The following NOS1 variants were observed in gnomAD, a reference collection of about 807,000 sequenced individuals.
NOS1 encodes nitric oxide synthase 1.
In NOS1, 51 loss-of-function variants were observed where a neutral mutation model predicts 164.5. The observed-to-expected ratio is 0.31, with a 90% CI of 0.25 to 0.39. The LOEUF (loss-of-function observed/expected upper bound fraction) is 0.39. NOS1 is among the 10% of genes least tolerant of loss of function. The pLI is 1.00. For missense variants in NOS1, 1,362 were observed against 1,885.6 expected, an observed-to-expected ratio of 0.72 and a Z score of 5.14; for synonymous variants, 719 against 745.8, an observed-to-expected ratio of 0.96 and a Z score of 0.59.
Position 117,331,163 on chromosome 12 carries a change from G to C in NOS1, c.-94C>G, listed in dbSNP as rs190212141. ...GGAGGATCCAGGCTTCAGGCTACAC[G>C]GAGAGCAGGAGCCGGGGTGACAGGT... On this transcript the variant is annotated 5_prime_UTR_variant, in exon 2 of 29. Transcript: ENST00000317775. 7 of 1,463,556 alleles carry C rather than the reference G, an allele frequency of 4.8e-6. No individual in the cohort carries two copies. Among genetic ancestry groups the C allele is most frequent in the Non-Finnish European group, 6.4e-6 (7 of 1,085,500 alleles). 90.7% of individuals were successfully genotyped at this position (1,463,556 alleles called of 1,614,324 possible). A position where few individuals can be genotyped will look rare whatever the true frequency, so the allele number is the denominator to read the frequency against.
At chr12:117,305,783 C>T (rs1162000922) in intron 3 of NOS1, among the ~76,000 whole-genome samples, 2 of 151,320 alleles carry the variant, frequency 1.3e-5, no homozygotes, top group African/African-American at 4.9e-5. Flanking sequence ...ATTTCGCAGG[C>T]CCGTGACTTT....
rs756649320 is a variant in NOS1 at position 117,227,354 on chromosome 12, C to A, written c.3616+77G>T. The A allele has an allele frequency of 3.0e-6, 4 of 1,345,506 alleles. No homozygotes were observed. In the Admixed American group the frequency reaches 5.8e-5, roughly 20 times the overall value. The allele number at this position is 1,345,506 out of a possible 1,614,324, so 83.3% of individuals were successfully genotyped here. Reference sequence around the variant, plus strand: ...AGGGATTTGGGATTTAGCCTGCAGACGGTGGTTTAGGGAACCCTCCAGAGG... The same window carrying A: ...AGGGATTTGGGATTTAGCCTGCAGAAGGTGGTTTAGGGAACCCTCCAGAGG... On this transcript the variant is annotated intron_variant, in intron 23 of 28. Transcript: ENST00000317775.
At chr12:117,347,982 C>T (rs1876432351) in intron 1 of NOS1, 1 of 151,614 alleles carries the variant, frequency 6.6e-6, no homozygotes, top group Non-Finnish European at 1.5e-5. Context: ...TTCCTTCCTC[C>T]ATTCCAAGGG....
Position 117,256,032 on chromosome 12 carries a change from G to A in NOS1, c.2532-2278C>T, listed in dbSNP as rs184517883. The A allele has an allele frequency of 2.0e-5, 29 of 1,438,160 alleles. No homozygotes were observed. Among genetic ancestry groups the A allele is most frequent in the East Asian group, 5.5e-5 (2 of 36,126 alleles). 89.1% of individuals were successfully genotyped at this position (1,438,160 alleles called of 1,614,324 possible). On this transcript the variant is annotated intron_variant, in intron 16 of 28. Coordinates refer to ENST00000317775, the MANE Select transcript of NOS1 (RefSeq NM_000620.5). ...ACGGGGAAAGAAACGCAAGGGTTCC[G>A]GGTACCTAGAGGGGAGAATCGATGG... is the stretch of plus-strand genomic sequence containing the variant.
rs557840272 is a variant in NOS1 at position 117,229,606 on chromosome 12, G to A, written c.3406-1965C>T. Among the ~76,000 whole-genome samples, 129 of 120,710 alleles carry A rather than the reference G, an allele frequency of 1.1e-3. 1 individual carries two copies. Among genetic ancestry groups the A allele is most frequent in the African/African-American group, 3.9e-3 (112 of 29,044 alleles). The allele number at this position is 120,710 out of a possible 152,430, so 79.2% of individuals were successfully genotyped here. ...TATCTATCTATCTATCTATCTATCT[G>A]GAGACAGATTCTCGCTCTGTCACCC... On this transcript the variant is annotated intron_variant, in intron 22 of 28. Coordinates refer to ENST00000317775, the MANE Select transcript of NOS1 (RefSeq NM_000620.5).
intron 7 of NOS1, among the ~76,000 whole-genome samples, chr12:117,282,314 C>T (rs1200058258): frequency 6.6e-6 from 1 of 152,162 alleles, no homozygotes; most frequent in Non-Finnish European, 1.5e-5. Flanking sequence ...GGCCCCCCAT[C>T]CCAGGCTATG....
At position 117,209,677 on chromosome 12, in the gene NOS1, A is replaced by G. The variant is rs1956498524; in HGVS notation, c.*5632T>C. 4.1e-6 allele frequency: 4 copies of G among 985,382 alleles called. No homozygotes were observed. The highest frequency in any genetic ancestry group is 9.4e-5 in the South Asian group (2 of 21,292). The allele number at this position is 985,382 out of a possible 1,614,324, so 61.0% of individuals were successfully genotyped here. On this transcript the variant is annotated 3_prime_UTR_variant, in exon 29 of 29. Transcript: ENST00000317775. ...ACCACCTCCCTCGCACATGGCTTTG[A>G]TAAGTATTAATAGGAAACAGACTCT...
rs752487139 is a variant in NOS1, at chr12:117,330,997, C to A, written c.73G>T (p.Val25Phe). ...TTCACCAGAAATCCCAGGCCCCCAA[C>A]TTTGCGCTTGAAGAGACGAACAGAA... ...VISVRLFKRK[V>F]GGLGFLVKER... The change falls in exon 2 of 29, where the codon GTT (valine) becomes TTT (phenylalanine). Residue 25 changes from valine to phenylalanine, a missense_variant. Val to Phe is a conservative substitution (Grantham distance 50, BLOSUM62 -1). Transcript: ENST00000317775. This position sits in a 1 kb window ranked among gnomAD's most constrained non-coding sequence, Gnocchi z 4.6. 6.2e-7 allele frequency: 1 copy of A among 1,614,110 alleles called. No individual in the cohort carries two copies. Among genetic ancestry groups the A allele is most frequent in the Non-Finnish European group, 8.5e-7 (1 of 1,180,044 alleles).
chr12:117,292,452 C>T (rs1330031642), intron 3 of NOS1, among the ~76,000 whole-genome samples: 3 of 152,128 alleles, frequency 2.0e-5, no homozygotes, highest in Non-Finnish European at 2.9e-5. Flanking sequence ...AGGCTGGTGA[C>T]GGTAGCTGTG....
Position 117,258,536 on chromosome 12 carries a change from TG to T in NOS1, c.2473-82del, listed in dbSNP as rs1871643142. 5.5e-6 allele frequency: 8 copies of T among 1,445,652 alleles called. No homozygotes were observed. The South Asian group carries it at 9.4e-5, about 17-fold the overall frequency. 89.6% of individuals were successfully genotyped at this position (1,445,652 alleles called of 1,614,324 possible). A position where few individuals can be genotyped will look rare whatever the true frequency, so the allele number is the denominator to read the frequency against. On this transcript the variant is annotated intron_variant, in intron 15 of 28. Transcript: ENST00000317775. ...GTCGGATACTGAGGGTCTGGGGTCCTGGCTGTCAAAGAGGAGACTGATGCCC... is the reference window on the plus strand; with the variant it reads ...GTCGGATACTGAGGGTCTGGGGTCCTGCTGTCAAAGAGGAGACTGATGCCC...
intron 8 of NOS1, among the ~76,000 whole-genome samples, chr12:117,279,465 T>C (rs1873457304): frequency 6.6e-6 from 1 of 152,198 alleles, no homozygotes; most frequent in Non-Finnish European, 1.5e-5. Flanking sequence ...GTATATTTTC[T>C]CTTATGGCAC....
intron 7 of NOS1, among the ~76,000 whole-genome samples, chr12:117,281,523 A>AAAAG (rs1873662258): frequency 6.8e-6 from 1 of 146,616 alleles, no homozygotes; most frequent in Non-Finnish European, 1.5e-5. Context: ...CCATCTCAAA[A>AAAAG]AAAAAAAAAA....
intron 1 of NOS1, among the ~76,000 whole-genome samples, chr12:117,333,712 C>T (rs533036182): frequency 4.7e-4 from 72 of 152,200 alleles, no homozygotes; most frequent in Non-Finnish European, 8.7e-4. Flanking sequence ...GCGTCGCCCG[C>T]GTGCTGTGTC....
chr12:117,223,676 CAG>C (rs1245717339), intron 25 of NOS1, among the ~76,000 whole-genome samples: 1 of 151,564 alleles, frequency 6.6e-6, no homozygotes, highest in Non-Finnish European at 1.5e-5. Context: ...GTGAAACCTG[CAG>C]AGTTTCACTC....
chr12:117,329,853 C>G (rs1293959867), intron 2 of NOS1, among the ~76,000 whole-genome samples: 3 of 152,108 alleles, frequency 2.0e-5, no homozygotes, highest in Non-Finnish European at 4.4e-5. Context: ...GAGGAGAAAG[C>G]TGATTTAAGC....
intron 2 of NOS1, among the ~76,000 whole-genome samples, chr12:117,323,916 G>A (rs909816001): frequency 1.3e-5 from 2 of 152,056 alleles, no homozygotes; most frequent in African/African-American, 2.4e-5. Context: ...CAAGTAGCTG[G>A]GACTACAGGC....
chr12:117,295,337 AG>A (rs1294942043), intron 3 of NOS1, among the ~76,000 whole-genome samples: 3 of 152,264 alleles, frequency 2.0e-5, no homozygotes, highest in Admixed American at 1.3e-4. Flanking sequence ...GACACACAAA[AG>A]TTATATGATG....
At chr12:117,353,994 T>C (rs974293881) in intron 1 of NOS1, among the ~76,000 whole-genome samples, 1 of 151,940 alleles carries the variant, frequency 6.6e-6, no homozygotes, top group Non-Finnish European at 1.5e-5. Flanking sequence ...AAAAACCAAA[T>C]CTCTGCATTT....
chr12:117,355,741 TA>T (rs1315700093), intron 1 of NOS1, among the ~76,000 whole-genome samples: 6 of 152,274 alleles, frequency 3.9e-5, no homozygotes, highest in Non-Finnish European at 8.8e-5. Flanking sequence ...CTTTTTTATT[TA>T]AAAAAATTAA....
Sources: allele counts gnomAD v4.1 joint callset (sites outside exome capture counted in the v4.1 genomes callset), GRCh38; gene constraint gnomAD v4.1.1; non-coding constraint Gnocchi (gnomAD v3.1); transcripts MANE v1.5; gene names NCBI Gene and HGNC (gene_info 2026-07-23, HGNC 2026-07-21).